Variants in VMP1 observed in about 807,000 individuals in gnomAD.
VMP1 encodes the protein vacuole membrane protein 1, also known as ectopic P-granules autophagy protein 3 homolog.
In VMP1, 11 loss-of-function variants were observed where a neutral mutation model predicts 56.0. The ratio of observed to expected loss-of-function variants is 0.20; its 90% CI spans 0.12 to 0.32. The LOEUF is 0.32. Ranked by LOEUF, VMP1 falls within the 10% of genes least tolerant of loss-of-function variation. The pLI is 1.00. For missense variants in VMP1, 296 were observed against 490.3 expected (o/e 0.60, Z 3.74); for synonymous variants, 149 against 165.0 (o/e 0.90, Z 0.74).
At chr17:59,814,709 G>A (rs2038166560) in intron 9 of VMP1, among the ~76,000 whole-genome samples, 1 of 151,976 alleles carries the variant, frequency 6.6e-6, no homozygotes, top group Non-Finnish European at 1.5e-5. Context: ...GCTCTGTAAA[G>A]ATAAAGCTCT....
chr17:59,764,868 A>G, intron 5 of VMP1, 103 bp from the exon 6 acceptor site: 1 of 865,128 alleles, frequency 1.2e-6, no homozygotes, highest in Non-Finnish European at 1.6e-6. Context: ...GTTCTTTGAA[A>G]GCTAAGATTT....
At chr17:59,766,946 A>AT (rs2036254146) in intron 6 of VMP1, among the ~76,000 whole-genome samples, 1 of 151,720 alleles carries the variant, frequency 6.6e-6, no homozygotes, top group African/African-American at 2.4e-5. Flanking sequence ...CGCTCGGCTG[A>AT]TTTTTTTGTA....
At chr17:59,785,613 C>A (rs544419286) in intron 7 of VMP1, among the ~76,000 whole-genome samples, 301 of 151,140 alleles carry the variant, frequency 2.0e-3, no homozygotes, top group African/African-American at 7.0e-3. Flanking sequence ...TCGCTTGAAC[C>A]CGAGAGGCAG....
intron 7 of VMP1, among the ~76,000 whole-genome samples, chr17:59,803,821 C>A (rs987233552): frequency 7.9e-5 from 12 of 151,878 alleles, no homozygotes; most frequent in African/African-American, 2.9e-4. Flanking sequence ...TGTTTGTAAT[C>A]TTTTATTTAG....
In VMP1 at chr17:59,774,972, C is replaced by T. The variant is rs954989764; in HGVS notation, c.714+1087C>T. ...TTTTTTTTTTTTTGAGATGGAGTCT[C>T]GCTCTGTCGCCAAGGCTGGCGTGCA... On this transcript the variant is annotated intron_variant, in intron 7 of 11. Transcript: ENST00000262291. Among the ~76,000 whole-genome samples the T allele has an allele frequency of 4.5e-4, 67 of 149,940 alleles. 1 individual carries two copies. The highest frequency in any genetic ancestry group is 3.3e-3 in the Admixed American group (49 of 15,020).
chr17:59,789,238 G>GA (rs78690577), intron 7 of VMP1, among the ~76,000 whole-genome samples: 6,187 of 110,338 alleles, frequency 0.056, 173 homozygotes, highest in Non-Finnish European at 0.075. Flanking sequence ...TGCAGTGAGA[G>GA]AAAAAAAAAA....
At chr17:59,818,578 C>T (rs2038328206) in intron 10 of VMP1, among the ~76,000 whole-genome samples, 1 of 152,006 alleles carries the variant, frequency 6.6e-6, no homozygotes, top group Non-Finnish European at 1.5e-5. Flanking sequence ...CAAGACCAGC[C>T]TCACCAACAT....
chr17:59,803,122 A>G (rs1336609649), intron 7 of VMP1, among the ~76,000 whole-genome samples: 2 of 152,220 alleles, frequency 1.3e-5, no homozygotes, highest in Non-Finnish European at 2.9e-5. Context: ...GTTTGAAGAT[A>G]AAAGTTACTT....
intron 5 of VMP1, among the ~76,000 whole-genome samples, chr17:59,760,712 C>A (rs1207285990): frequency 6.6e-6 from 1 of 152,126 alleles, no homozygotes; most frequent in African/African-American, 2.4e-5. Flanking sequence ...TCTCCGCCTC[C>A]CGGATTCAAG....
At chr17:59,714,745 C>T (rs1446345067) in intron 1 of VMP1, among the ~76,000 whole-genome samples, 1 of 152,118 alleles carries the variant, frequency 6.6e-6, no homozygotes, top group Non-Finnish European at 1.5e-5. Flanking sequence ...TCACAGCTCT[C>T]TGCAACCTTG....
At chr17:59,768,862 T>G (rs921669186) in intron 6 of VMP1, among the ~76,000 whole-genome samples, 2 of 151,942 alleles carry the variant, frequency 1.3e-5, no homozygotes, top group Non-Finnish European at 2.9e-5. Flanking sequence ...GACAGGCCCC[T>G]GTAGTCCCAG....
chr17:59,810,227 C>T (rs1402985380), intron 8 of VMP1, among the ~76,000 whole-genome samples: 2 of 152,110 alleles, frequency 1.3e-5, no homozygotes, highest in Non-Finnish European at 2.9e-5. Flanking sequence ...GATCTTGGCT[C>T]ACGGCAACCT....
At chr17:59,836,200 C>G (rs929649117) in intron 10 of VMP1, among the ~76,000 whole-genome samples, 3 of 150,910 alleles carry the variant, frequency 2.0e-5, no homozygotes, top group Non-Finnish European at 4.4e-5. Flanking sequence ...ATTAAAGAAT[C>G]TTTTTTTTAT....
intron 1 of VMP1, among the ~76,000 whole-genome samples, chr17:59,716,876 G>C (rs1308097193): frequency 1.3e-5 from 2 of 152,178 alleles, no homozygotes; most frequent in African/African-American, 4.8e-5. Context: ...GGCATGTGAA[G>C]TGACAATGCC....
In VMP1 at chr17:59,840,294, T is replaced by G. The variant is rs1228072497; in HGVS notation, c.*383T>G. ...TTTTAGGCTTGTCACAAATGATTGC[T>G]TTGTTTTCCTAAGTCATCAAAATGT... On this transcript the variant is annotated 3_prime_UTR_variant, in exon 12 of 12. Transcript: ENST00000262291. The G allele has an allele frequency of 5.2e-6, 1 of 192,210 alleles. No homozygotes were observed. Among genetic ancestry groups the G allele is most frequent in the East Asian group, 1.8e-4 (1 of 5,710 alleles). The allele number at this position is 192,210 out of a possible 1,614,324, so 11.9% of individuals were successfully genotyped here.
rs2035111387 is a variant in VMP1 at position 59,738,914 on chromosome 17, T to G, written c.381T>G (p.Leu127=). The G allele has an allele frequency of 1.9e-6, 3 of 1,613,180 alleles. No homozygotes were observed. The highest frequency in any genetic ancestry group is 1.7e-5 in the Admixed American group (1 of 59,864). The stretch of plus-strand genomic sequence containing the variant: ...TAGGAATTTTGTCTTCTGTTGGGCT[T>G]GGAACAGGGCTGCACACCTTTCTGC... ...IGLGILSSVG[L]GTGLHTFLLY... Residue 127 remains leucine, a synonymous_variant, in exon 5 of 12, where the codon CTT becomes CTG. Coordinates refer to ENST00000262291, the MANE Select transcript of VMP1 (RefSeq NM_030938.5).
intron 10 of VMP1, among the ~76,000 whole-genome samples, chr17:59,835,493 G>T (rs972563937): frequency 0.012 from 1,623 of 134,794 alleles, 18 homozygotes; most frequent in African/African-American, 0.027. Context: ...GCAGTTTTTT[G>T]TTTTTTTTTT....
At chr17:59,725,153 T>C (rs2034553932) in intron 1 of VMP1, among the ~76,000 whole-genome samples, 1 of 152,096 alleles carries the variant, frequency 6.6e-6, no homozygotes, top group Non-Finnish European at 1.5e-5. Context: ...CGAGACTGTC[T>C]CAAAATAATA....
In VMP1 at chr17:59,722,363, C is replaced by T. The variant is rs2034435013; in HGVS notation, c.-26-9058C>T. On this transcript the variant is annotated intron_variant, in intron 1 of 11. Coordinates refer to ENST00000262291, the MANE Select transcript of VMP1 (RefSeq NM_030938.5). ...TTTATATAGGCTAACTTCTGCTGCA[C>T]TGTGCTGGAGATAGACTTTCTATTT... 2.0e-5 allele frequency among the ~76,000 whole-genome samples: 3 copies of T among 152,214 alleles called. No individual in the cohort carries two copies. In the South Asian group the frequency reaches 6.2e-4, roughly 32 times the overall value.
Sources: gnomAD v4.1 joint callset for allele counts (sites outside exome capture counted in the v4.1 genomes callset) on GRCh38, gnomAD v4.1.1 for gene constraint, MANE v1.5 for transcripts, NCBI Gene and HGNC (gene_info 2026-07-23, HGNC 2026-07-21) for gene names.